The following CEP290 variants were observed in gnomAD, a reference collection of about 807,000 sequenced individuals.
CEP290 encodes centrosomal protein of 290 kDa.
In CEP290, 317 loss-of-function variants were observed where a neutral mutation model predicts 344.9. The ratio of observed to expected loss-of-function variants is 0.92; its 90% CI spans 0.84 to 1.01. CEP290 has a LOEUF of 1.01. Among genes scored for constraint, CEP290 ranks in the 50% least tolerant of loss-of-function variants. The pLI, the probability that CEP290 is intolerant of heterozygous loss-of-function variation, is 0.00. For synonymous variants in CEP290, 932 were observed against 895.8 expected (o/e 1.04, Z -0.72); for missense variants, 2,754 against 2,761.4 (o/e 1.00, Z 0.06).
At chr12:88,056,645 C>G (rs2034025442) in intron 49 of CEP290, among the ~76,000 whole-genome samples, 1 of 152,174 alleles carries the variant, frequency 6.6e-6, no homozygotes, top group Non-Finnish European at 1.5e-5. Flanking sequence ...GAGGCCTCCT[C>G]TGATCACCCT....
chr12:88,122,188 C>G (rs950328796), intron 13 of CEP290, among the ~76,000 whole-genome samples: 2 of 152,074 alleles, frequency 1.3e-5, no homozygotes, highest in Non-Finnish European at 2.9e-5. Context: ...GCTGAGTTGT[C>G]CCCCAGTATC....
At position 88,086,065 on chromosome 12, in the gene CEP290, G is replaced by A. The variant is rs771110294; in HGVS notation, c.4411C>T (p.Arg1471Trp). The A allele has an allele frequency of 2.1e-5, 34 of 1,611,452 alleles. No homozygotes were observed. Among genetic ancestry groups the A allele is most frequent in the Admixed American group, 8.4e-5 (5 of 59,776 alleles). Residue 1471 changes from arginine to tryptophan, a missense_variant, in exon 34 of 54, where the codon CGG becomes TGG. Coordinates refer to ENST00000552810, the MANE Select transcript of CEP290 (RefSeq NM_025114.4). Reference sequence around the variant, plus strand: ...TCTTCTAGTGATTTGCAAGTTGCCCGTGTTTCTAGAATTATTCGAATGTTC... The same window carrying A: ...TCTTCTAGTGATTTGCAAGTTGCCCATGTTTCTAGAATTATTCGAATGTTC... Reference protein sequence around the residue: ...KENIRIILETRATCKSLEEKL... With the variant: ...KENIRIILETWATCKSLEEKL...
In CEP290 at chr12:88,059,831, C is replaced by T. The variant is rs2471512; in HGVS notation, c.6645+67G>A. On this transcript the variant is annotated intron_variant, in intron 48 of 53. Coordinates refer to ENST00000552810, the MANE Select transcript of CEP290 (RefSeq NM_025114.4). ...AGACACTCTCATCAAGGATCTACTT[C>T]CAGTTTTTCCAAGAGGTATTAAGTA... 0.94 allele frequency: 1,250,395 copies of T among 1,324,504 alleles called. 590,700 individuals are homozygous for T. The highest frequency in any genetic ancestry group is 0.99 in the East Asian group (39,874 of 40,234). The allele number at this position is 1,324,504 out of a possible 1,614,324, so 82.0% of individuals were successfully genotyped here. A position where few individuals can be genotyped will look rare whatever the true frequency, so the allele number is the denominator to read the frequency against.
At chr12:88,124,922 T>G (rs2039640692) in intron 13 of CEP290, among the ~76,000 whole-genome samples, 1 of 152,040 alleles carries the variant, frequency 6.6e-6, no homozygotes, top group Non-Finnish European at 1.5e-5. Flanking sequence ...GGTCAAAATT[T>G]TATTATCTTC....
intron 4 of CEP290, 60 bp from the exon 5 acceptor site, chr12:88,139,251 T>C (rs1450133874): frequency 4.2e-6 from 3 of 708,690 alleles, no homozygotes; most frequent in African/African-American, 3.7e-5. Flanking sequence ...AAACAAACTT[T>C]TAAATAAATT....
At chr12:88,130,206 C>T in intron 9 of CEP290, 62 bp downstream of exon 9, 2 of 1,405,820 alleles carry the variant, frequency 1.4e-6, no homozygotes, top group Non-Finnish European at 1.9e-6. Context: ...ATTATATTTA[C>T]ATTGTAATGA....
intron 25 of CEP290, among the ~76,000 whole-genome samples, chr12:88,104,862 G>A (rs1187987385): frequency 6.6e-6 from 1 of 151,866 alleles, no homozygotes; most frequent in Non-Finnish European, 1.5e-5. Flanking sequence ...AATAATAAAG[G>A]TTTTCTATGT....
Position 88,114,421 on chromosome 12 carries a change from T to C in CEP290, c.2051A>G (p.Asn684Ser). Reference sequence around the variant, plus strand: ...ATTAACATGAAAAAAATAACTTACATTAACTAGTCTTTCAAGGCTAGGGAT... The same window carrying C: ...ATTAACATGAAAAAAATAACTTACACTAACTAGTCTTTCAAGGCTAGGGAT... ...LIIPSLERLVNAIESKNAEGI... is the reference protein window; with the variant it reads ...LIIPSLERLVSAIESKNAEGI... The change falls in exon 20 of 54, where the codon AAT becomes AGT. Residue 684 changes from asparagine (N) to serine (S), a missense_variant and splice_region_variant. Transcript: ENST00000552810. 6.5e-7 allele frequency: 1 copy of C among 1,538,720 alleles called. No homozygotes were observed. The highest frequency in any genetic ancestry group is 8.8e-7 in the Non-Finnish European group (1 of 1,142,710).
chr12:88,136,643 T>C lies in CEP290; in HGVS notation c.441A>G (p.Gln147=). 1 of 1,613,568 alleles carries C rather than the reference T, an allele frequency of 6.2e-7. No homozygotes were observed. Among genetic ancestry groups the C allele is most frequent in the Non-Finnish European group, 8.5e-7 (1 of 1,179,620 alleles). Residue 147 remains glutamine, a splice_region_variant and synonymous_variant, in exon 6 of 54, where the codon CAA becomes CAG. Coordinates refer to ENST00000552810, the MANE Select transcript of CEP290 (RefSeq NM_025114.4). ...ELEKEKKVNE[Q]LALRNEEAEN... Reference sequence around the variant, plus strand: ...TTCATGGAAAAAAAAAGTGCTTTACTTGCTCATTAACTTTCTTCTCTTTCT... The same window carrying C: ...TTCATGGAAAAAAAAAGTGCTTTACCTGCTCATTAACTTTCTTCTCTTTCT...
chr12:88,097,145 C>T (rs2137428637), intron 26 of CEP290, 146 bp from the exon 27 acceptor site: 3 of 579,848 alleles, frequency 5.2e-6, no homozygotes, highest in East Asian at 3.1e-5. Context: ...ATATATAATA[C>T]ATGTATGCAT....
In CEP290 at chr12:88,110,229, T is replaced by C. The variant is rs191994712; in HGVS notation, c.2367+973A>G. Among the ~76,000 whole-genome samples, 820 of 152,286 alleles carry C rather than the reference T, an allele frequency of 5.4e-3. 3 individuals carry two copies. The highest frequency in any genetic ancestry group is 8.7e-3 in the Non-Finnish European group (590 of 68,016). ...TTTATAATGTATGTGATGTTATAGA[T>C]AGTCAAATTTCAAATAAAATAATGA... is the stretch of plus-strand genomic sequence containing the variant. On this transcript the variant is annotated intron_variant, in intron 22 of 53. Coordinates refer to ENST00000552810, the MANE Select transcript of CEP290 (RefSeq NM_025114.4).
intron 25 of CEP290, among the ~76,000 whole-genome samples, chr12:88,105,015 TGA>T (rs1383223994): frequency 6.6e-6 from 1 of 152,172 alleles, no homozygotes; most frequent in East Asian, 1.9e-4. Flanking sequence ...ACTTGTCTAC[TGA>T]GAGACTAGTG....
rs138697178 is a variant in CEP290 at position 88,069,672 on chromosome 12, G to A, written c.6012-1027C>T. Among the ~76,000 whole-genome samples the A allele has an allele frequency of 7.9e-5, 12 of 152,260 alleles. No individual in the cohort carries two copies. In the East Asian group the frequency reaches 2.1e-3, roughly 27 times the overall value. Reference sequence around the variant, plus strand: ...GAAAAGGAAGGAATGTGGATTAGAAGCTCATGAGAGTGTTCGTTTAAATAA... The same window carrying A: ...GAAAAGGAAGGAATGTGGATTAGAAACTCATGAGAGTGTTCGTTTAAATAA... On this transcript the variant is annotated intron_variant, in intron 43 of 53. Coordinates refer to ENST00000552810, the MANE Select transcript of CEP290 (RefSeq NM_025114.4).
At chr12:88,068,785 T>C (rs2035142961) in intron 43 of CEP290, 140 bp from the exon 44 acceptor site, 2 of 790,080 alleles carry the variant, frequency 2.5e-6, no homozygotes, top group African/African-American at 1.9e-5. Flanking sequence ...CCTTCTAAAC[T>C]TTATAACAAA....
At chr12:88,083,805 C>T (rs2036366804) in intron 36 of CEP290, 42 bp downstream of exon 36, 2 of 1,295,616 alleles carry the variant, frequency 1.5e-6, no homozygotes, top group Admixed American at 2.6e-5. Flanking sequence ...TACATGGTCA[C>T]AAAAATCAAT....
chr12:88,128,185 T>A lies in CEP290; in HGVS notation c.942+761A>T, dbSNP rs2039847912. On this transcript the variant is annotated intron_variant, in intron 11 of 53. Transcript: ENST00000552810. ...ACCAGGTGGTCTAAAATATTCACTGTCTGGCCCTTTATATAAAGTTTATGG... is the reference window on the plus strand; with the variant it reads ...ACCAGGTGGTCTAAAATATTCACTGACTGGCCCTTTATATAAAGTTTATGG... 2.0e-5 allele frequency among the ~76,000 whole-genome samples: 3 copies of A among 152,166 alleles called. No individual in the cohort carries two copies. The South Asian group carries it at 6.2e-4, about 31-fold the overall frequency.
chr12:88,074,776 C>T (rs2035637252), intron 41 of CEP290, among the ~76,000 whole-genome samples: 1 of 152,116 alleles, frequency 6.6e-6, no homozygotes, highest in South Asian at 2.1e-4. Context: ...ATGAAGCTTC[C>T]CTAAAAACCA....
At chr12:88,068,065 A>G (rs2035074098) in intron 44 of CEP290, among the ~76,000 whole-genome samples, 1 of 152,218 alleles carries the variant, frequency 6.6e-6, no homozygotes. Context: ...GGAAGAATGA[A>G]GAAACATGGA....
intron 52 of CEP290, among the ~76,000 whole-genome samples, chr12:88,051,293 G>A (rs965648147): frequency 1.3e-5 from 2 of 151,050 alleles, no homozygotes; most frequent in Non-Finnish European, 2.9e-5. Context: ...CTGCCTCCCA[G>A]GTTAAAGCGA....
Sources: allele counts gnomAD v4.1 joint callset (sites outside exome capture counted in the v4.1 genomes callset), GRCh38; gene constraint gnomAD v4.1.1; transcripts MANE v1.5; gene names NCBI Gene and HGNC (gene_info 2026-07-23, HGNC 2026-07-21).